NALCN: variants seen among roughly 807,000 people sequenced by gnomAD.
NALCN encodes sodium leak channel, non-selective.
In NALCN, 111 loss-of-function variants were observed where a neutral mutation model predicts 225.3. The ratio of observed to expected loss-of-function variants is 0.49; its 90% CI spans 0.42 to 0.58. NALCN has a LOEUF of 0.58. Among genes scored for constraint, NALCN ranks in the 20% least tolerant of loss-of-function variants. The probability of loss-of-function intolerance (pLI) is 0.00; values close to 1 mark genes in which losing one functional copy is unlikely to be tolerated. For synonymous variants in NALCN, 764 were observed against 769.0 expected (o/e 0.99, Z 0.11); for missense variants, 1,378 against 2,202.4 (o/e 0.63, Z 7.49).
intron 1 of NALCN, among the ~76,000 whole-genome samples, chr13:101,405,708 T>A (rs2047600104): frequency 1.3e-5 from 2 of 152,208 alleles, no homozygotes; most frequent in African/African-American, 4.8e-5. Context: ...GCTCAATGAC[T>A]GCCTTGAGAT....
intron 10 of NALCN, among the ~76,000 whole-genome samples, chr13:101,280,790 A>G (rs1157127851): frequency 6.6e-6 from 1 of 151,986 alleles, no homozygotes; most frequent in African/African-American, 2.4e-5. Context: ...ACTTTCTCCT[A>G]TAAATGGCTG....
Position 101,144,818 on chromosome 13 carries a change from T to G in NALCN, c.1918A>C (p.Arg640=), listed in dbSNP as rs201024704. 6.2e-7 allele frequency: 1 copy of G among 1,613,826 alleles called. No homozygotes were observed. Among genetic ancestry groups the G allele is most frequent in the Non-Finnish European group, 8.5e-7 (1 of 1,179,872 alleles). ...RLRIFEKFPN[R]PQMVKISKLP... is the part of the protein sequence containing the mutation. Reference sequence around the variant, plus strand: ...TTTGAGATTTTCACCATTTGAGGTCTGTTTGGAAATTTTTCAAAGATTCGC... The same window carrying G: ...TTTGAGATTTTCACCATTTGAGGTCGGTTTGGAAATTTTTCAAAGATTCGC... Residue 640 remains arginine (R), a synonymous_variant, in exon 16 of 44, where the codon AGA becomes CGA. Coordinates refer to ENST00000251127, the MANE Select transcript of NALCN (RefSeq NM_052867.4).
chr13:101,172,453 C>T (rs527693060), intron 15 of NALCN, among the ~76,000 whole-genome samples: 2 of 152,312 alleles, frequency 1.3e-5, no homozygotes, highest in East Asian at 1.9e-4. Flanking sequence ...CTTTCTACCA[C>T]CATCTCACAC....
At chr13:101,067,297 A>G (rs370802912) in intron 39 of NALCN, among the ~76,000 whole-genome samples, 44 of 39,114 alleles carry the variant, frequency 1.1e-3, no homozygotes, top group Middle Eastern at 0.02. Context: ...GAGGAGGGGG[A>G]AGAGGAGGGG....
At chr13:101,297,298 A>G (rs1566545440) in intron 7 of NALCN, among the ~76,000 whole-genome samples, 3 of 152,246 alleles carry the variant, frequency 2.0e-5, no homozygotes, top group Admixed American at 1.3e-4. Context: ...CTGCCATGAC[A>G]GAAGTTGGGA....
intron 42 of NALCN, chr13:101,058,680 C>CTCTT (rs2031563444): frequency 2.0e-5 from 3 of 147,082 alleles, no homozygotes; most frequent in African/African-American, 7.6e-5. Context: ...TTTTTGTCAC[C>CTCTT]TCTTTCTTTC....
intron 15 of NALCN, 28 bp downstream of exon 15, chr13:101,176,272 T>A: frequency 6.8e-7 from 1 of 1,479,012 alleles, no homozygotes; most frequent in East Asian, 2.6e-5. Context: ...TTGTCCTTTT[T>A]AAAAAAAATC....
intron 11 of NALCN, among the ~76,000 whole-genome samples, chr13:101,248,984 C>G (rs1228893338): frequency 6.6e-6 from 1 of 152,042 alleles, no homozygotes; most frequent in East Asian, 1.9e-4. Context: ...CCTGGAACCC[C>G]CTGAGCTTAC....
At chr13:101,211,650 C>CTATATATATA (rs5806203) in intron 13 of NALCN, among the ~76,000 whole-genome samples, 70 of 145,576 alleles carry the variant, frequency 4.8e-4, no homozygotes, top group African/African-American at 1.7e-3. Context: ...TGACAATAAA[C>CTATATATATA]TATATATATA....
chr13:101,078,679 C>T (rs1447492767), intron 34 of NALCN, among the ~76,000 whole-genome samples: 1 of 152,270 alleles, frequency 6.6e-6, no homozygotes, highest in East Asian at 1.9e-4. Context: ...CAGAAACTTT[C>T]CTGTTCTCAG....
intron 18 of NALCN, 139 bp from the exon 19 acceptor site, chr13:101,111,365 A>G: frequency 1.6e-6 from 1 of 643,822 alleles, no homozygotes; most frequent in East Asian, 2.8e-5. Context: ...GTATAATTAT[A>G]AAGGAAAATG....
intron 2 of NALCN, among the ~76,000 whole-genome samples, chr13:101,395,809 G>T (rs1209333712): frequency 6.6e-6 from 1 of 151,878 alleles, no homozygotes; most frequent in Non-Finnish European, 1.5e-5. Context: ...TAAGTACCTA[G>T]AATTAGGGGC....
rs199640173 is a variant in NALCN, at chr13:101,376,692, A to C, written c.644+8T>G. 5.2e-5 allele frequency: 82 copies of C among 1,587,978 alleles called. 1 individual carries two copies. In the East Asian group the frequency reaches 1.8e-3, roughly 35 times the overall value. On this transcript the variant is annotated splice_region_variant and intron_variant, in intron 6 of 43. Coordinates refer to ENST00000251127, the MANE Select transcript of NALCN (RefSeq NM_052867.4). ...CTAGATTAAAATGCAGTTAATAGAT[A>C]AACTTACCCTGGCTTTGTGTCATTT...
At chr13:101,365,716 T>C (rs1368240127) in intron 6 of NALCN, among the ~76,000 whole-genome samples, 1 of 152,140 alleles carries the variant, frequency 6.6e-6, no homozygotes, top group Non-Finnish European at 1.5e-5. Context: ...AATAACAGGC[T>C]GTTAGTGATT....
intron 14 of NALCN, among the ~76,000 whole-genome samples, chr13:101,191,068 AG>A (rs2039660082): frequency 6.6e-6 from 1 of 152,208 alleles, no homozygotes; most frequent in African/African-American, 2.4e-5. Context: ...TAATATTGTA[AG>A]ATATTTTGTA....
Position 101,346,087 on chromosome 13 carries a change from C to CTCTCTCTCTCTCTATATA in NALCN, c.645-668_645-667insTATATAGAGAGAGAGAGA. Among the ~76,000 whole-genome samples the CTCTCTCTCTCTCTATATA allele has an allele frequency of 3.8e-3, 271 of 70,914 alleles. 2 individuals are homozygous for CTCTCTCTCTCTCTATATA. The highest frequency in any genetic ancestry group is 5.1e-3 in the Non-Finnish European group (192 of 37,522). 46.5% of individuals were successfully genotyped at this position (70,914 alleles called of 152,430 possible). ...TCTCTCTCTCTCTCTCTCTCTCTCT[C>CTCTCTCTCTCTCTATATA]TATATATATATATATATATATATAT... On this transcript the variant is annotated intron_variant, in intron 6 of 43. Transcript: ENST00000251127.
At chr13:101,140,683 A>T (rs904397509) in intron 17 of NALCN, among the ~76,000 whole-genome samples, 18 of 152,380 alleles carry the variant, frequency 1.2e-4, no homozygotes, top group African/African-American at 4.3e-4. Flanking sequence ...ATCCACTGAC[A>T]TATGACCTTC....
intron 10 of NALCN, among the ~76,000 whole-genome samples, chr13:101,259,620 C>T (rs2042350067): frequency 6.6e-6 from 1 of 151,364 alleles, no homozygotes; most frequent in Admixed American, 6.6e-5. Flanking sequence ...AGGCATGAGC[C>T]ACCATGCCTG....
intron 13 of NALCN, among the ~76,000 whole-genome samples, chr13:101,200,881 G>A (rs1434940344): frequency 6.6e-6 from 1 of 152,264 alleles, no homozygotes; most frequent in South Asian, 2.1e-4. Flanking sequence ...GAAATTTGAT[G>A]ACTCAATGCA....
Sources: allele counts gnomAD v4.1 joint callset (sites outside exome capture counted in the v4.1 genomes callset), GRCh38; gene constraint gnomAD v4.1.1; transcripts MANE v1.5; gene names NCBI Gene and HGNC (gene_info 2026-07-23, HGNC 2026-07-21).